The following CBFA2T2 variants were observed in gnomAD, a reference collection of about 807,000 sequenced individuals.
CBFA2T2 encodes protein CBFA2T2.
Under a neutral mutation model 62.2 loss-of-function variants are expected in CBFA2T2, and 11 were observed. The observed-to-expected ratio is 0.18, with a 90% CI of 0.11 to 0.29. CBFA2T2 has a LOEUF of 0.29. CBFA2T2 is among the 10% of genes least tolerant of loss of function. The pLI is 1.00. For synonymous variants in CBFA2T2, 295 were observed against 287.5 expected, an observed-to-expected ratio of 1.03 and a Z score of -0.27; for missense variants, 592 against 774.1, an observed-to-expected ratio of 0.76 and a Z score of 2.79.
chr20:33,612,801 T>C (rs1280952453), intron 3 of CBFA2T2, among the ~76,000 whole-genome samples: 1 of 152,250 alleles, frequency 6.6e-6, no homozygotes, highest in Admixed American at 6.5e-5. Context: ...CTTAAAAAAT[T>C]TCTCAGTCTA....
chr20:33,611,468 A>G (rs569690329), intron 3 of CBFA2T2, 133 bp downstream of exon 3: 135 of 998,478 alleles, frequency 1.4e-4, no homozygotes, highest in Admixed American at 9.0e-4. Context: ...TAGACTAGTT[A>G]TTGAATAACT....
intron 6 of CBFA2T2, among the ~76,000 whole-genome samples, chr20:33,627,744 A>G (rs1387723912): frequency 1.3e-5 from 2 of 152,258 alleles, no homozygotes; most frequent in Non-Finnish European, 2.9e-5. Flanking sequence ...TATTATGACT[A>G]TAAATTCAGA....
At chr20:33,563,055 A>G (rs2013147804) in intron 1 of CBFA2T2, among the ~76,000 whole-genome samples, 1 of 152,222 alleles carries the variant, frequency 6.6e-6, no homozygotes, top group Non-Finnish European at 1.5e-5. Context: ...TATTAAAAAG[A>G]TGGCTCATAA....
chr20:33,545,728 G>A (rs1231225436), intron 1 of CBFA2T2, among the ~76,000 whole-genome samples: 4 of 152,196 alleles, frequency 2.6e-5, no homozygotes, highest in African/African-American at 4.8e-5. Flanking sequence ...GATTACAGGC[G>A]TGAGCCAACA....
intron 1 of CBFA2T2, among the ~76,000 whole-genome samples, chr20:33,568,134 G>A (rs1424793134): frequency 2.6e-5 from 4 of 152,152 alleles, no homozygotes; most frequent in African/African-American, 9.7e-5. Flanking sequence ...TCACCTCTAA[G>A]CCTCAGTTTT....
chr20:33,625,314 C>T (rs902270436), intron 6 of CBFA2T2, among the ~76,000 whole-genome samples: 2 of 151,898 alleles, frequency 1.3e-5, no homozygotes, highest in African/African-American at 4.8e-5. Context: ...AGTGAGATCC[C>T]ATCTCTACAA....
At chr20:33,620,819 C>T (rs539981506) in intron 4 of CBFA2T2, among the ~76,000 whole-genome samples, 1 of 152,328 alleles carries the variant, frequency 6.6e-6, no homozygotes, top group Non-Finnish European at 1.5e-5. Context: ...CAGAACAAGA[C>T]TCTGTCTCAA....
At chr20:33,525,469 A>C (rs2011862185) in intron 1 of CBFA2T2, among the ~76,000 whole-genome samples, 1 of 152,142 alleles carries the variant, frequency 6.6e-6, no homozygotes, top group Admixed American at 6.5e-5. Flanking sequence ...TACAGGTGTG[A>C]GTCACTGCAC....
intron 1 of CBFA2T2, among the ~76,000 whole-genome samples, chr20:33,591,571 AAAG>A (rs1470474694): frequency 6.6e-6 from 1 of 152,196 alleles, no homozygotes; most frequent in Non-Finnish European, 1.5e-5. Flanking sequence ...ATGTAATTAA[AAAG>A]AATGGTTTGA....
chr20:33,599,001 C>T (rs1487386962), intron 1 of CBFA2T2, among the ~76,000 whole-genome samples: 1 of 150,508 alleles, frequency 6.6e-6, no homozygotes, highest in Non-Finnish European at 1.5e-5. Flanking sequence ...TGGCTTACGC[C>T]TGTAATCCCA....
At chr20:33,594,350 T>A (rs1282689275) in intron 1 of CBFA2T2, among the ~76,000 whole-genome samples, 1 of 152,030 alleles carries the variant, frequency 6.6e-6, no homozygotes, top group Non-Finnish European at 1.5e-5. Flanking sequence ...GCCTCCCGAG[T>A]AGCTGGGACT....
intron 1 of CBFA2T2, among the ~76,000 whole-genome samples, chr20:33,561,458 T>C (rs746094330): frequency 6.6e-6 from 1 of 152,210 alleles, no homozygotes; most frequent in Admixed American, 6.5e-5. Context: ...GGGAGGTCCG[T>C]TGGACCCTTC....
Position 33,640,440 on chromosome 20 carries a change from G to A in CBFA2T2, c.1397G>A (p.Arg466Lys). Residue 466 changes from arginine to lysine, a missense_variant, in exon 10 of 11, where the codon AGA (arginine) becomes AAA (lysine). Coordinates refer to ENST00000342704, the MANE Select transcript of CBFA2T2 (RefSeq NM_001032999.3). ...GCCTTTGAAGTGATTGCAACAGAGAGAGCACGAATGGAGCAAACCATAGCG... is the reference window on the plus strand; with the variant it reads ...GCCTTTGAAGTGATTGCAACAGAGAAAGCACGAATGGAGCAAACCATAGCG... Reference protein sequence around the residue: ...QKAFEVIATERARMEQTIADV... With the variant: ...QKAFEVIATEKARMEQTIADV... 1.2e-6 allele frequency: 2 copies of A among 1,614,282 alleles called. No homozygotes were observed. The highest frequency in any genetic ancestry group is 2.2e-5 in the East Asian group (1 of 44,896).
At chr20:33,518,127 C>T (rs1053217125) in intron 1 of CBFA2T2, among the ~76,000 whole-genome samples, 5 of 151,762 alleles carry the variant, frequency 3.3e-5, no homozygotes, top group African/African-American at 1.2e-4. Context: ...TTTTTGTATT[C>T]TTAGTAGAGA....
chr20:33,570,747 A>G (rs1032731497), intron 1 of CBFA2T2, among the ~76,000 whole-genome samples: 5 of 152,244 alleles, frequency 3.3e-5, no homozygotes, highest in Non-Finnish European at 7.3e-5. Context: ...AAAGTTAAAT[A>G]GTAAAAGGAG....
At position 33,490,195 on chromosome 20, in the gene CBFA2T2, C is replaced by G; in HGVS notation, c.-73C>G. 1.3e-5 allele frequency: 16 copies of G among 1,201,152 alleles called. No individual in the cohort carries two copies. The highest frequency in any genetic ancestry group is 1.7e-5 in the Non-Finnish European group (16 of 968,508). 74.4% of individuals were successfully genotyped at this position (1,201,152 alleles called of 1,614,324 possible). On this transcript the variant is annotated 5_prime_UTR_variant, in exon 1 of 11. Transcript: ENST00000342704. ...CCTGCGAGGGACCCGGGCCGCGGGT[C>G]GAGGCGGGCGGCGCCTGCGAGGGAC...
At chr20:33,596,289 A>T (rs2014880875) in intron 1 of CBFA2T2, among the ~76,000 whole-genome samples, 1 of 152,288 alleles carries the variant, frequency 6.6e-6, no homozygotes, top group South Asian at 2.1e-4. Flanking sequence ...ATGTTAATAT[A>T]TTCTTTGTTA....
In CBFA2T2 at chr20:33,525,522, T is replaced by C. The variant is rs548547557; in HGVS notation, c.34+35221T>C. 2.6e-5 allele frequency among the ~76,000 whole-genome samples: 4 copies of C among 151,912 alleles called. No individual in the cohort carries two copies. The South Asian group carries it at 8.3e-4, about 32-fold the overall frequency. On this transcript the variant is annotated intron_variant, in intron 1 of 10. Coordinates refer to ENST00000342704, the MANE Select transcript of CBFA2T2 (RefSeq NM_001032999.3). ...CTTTAAGGTATACAATTTAATAGTT[T>C]TTAGTATGTTGACAAGGTTTTATAA...
intron 1 of CBFA2T2, among the ~76,000 whole-genome samples, chr20:33,581,133 G>A (rs978390511): frequency 6.6e-6 from 1 of 151,450 alleles, no homozygotes; most frequent in South Asian, 2.1e-4. Flanking sequence ...GCGTGATCTC[G>A]GTGCACTGAA....
Sources: gnomAD v4.1 joint callset for allele counts (sites outside exome capture counted in the v4.1 genomes callset) on GRCh38, gnomAD v4.1.1 for gene constraint, MANE v1.5 for transcripts, NCBI Gene and HGNC (gene_info 2026-07-23, HGNC 2026-07-21) for gene names.